The following NFILZ variants were observed in gnomAD, a reference collection of about 807,000 sequenced individuals.
NFILZ encodes the protein NFIL3 like basic leucine zipper.
intron 3 of NFILZ, among the ~76,000 whole-genome samples, chr19:8,653,029 T>TC (rs1555747906): frequency 2.8e-5 from 2 of 70,684 alleles, no homozygotes; most frequent in Admixed American, 1.7e-4. Context: ...TCTTTCTTTC[T>TC]TTCTTTCTTT....
At chr19:8,661,979 C>G (rs1555749170) in intron 3 of NFILZ, among the ~76,000 whole-genome samples, 2 of 151,948 alleles carry the variant, frequency 1.3e-5, no homozygotes, top group African/African-American at 4.8e-5. Context: ...GAAGGAGGGT[C>G]CACTGAGGCT....
At chr19:8,651,831 C>A (rs571543530) in intron 3 of NFILZ, among the ~76,000 whole-genome samples, 2 of 152,230 alleles carry the variant, frequency 1.3e-5, no homozygotes, top group African/African-American at 4.8e-5. Context: ...CTGTGCCCGG[C>A]CTCTAACTAT....
chr19:8,674,899 T>C (rs2043104172), intron 4 of NFILZ, among the ~76,000 whole-genome samples: 1 of 152,188 alleles, frequency 6.6e-6, no homozygotes, highest in Non-Finnish European at 1.5e-5. Context: ...GGAAAGTTAC[T>C]ACGGTTTATC....
At chr19:8,670,806 C>A (rs2043083004) in intron 3 of NFILZ, among the ~76,000 whole-genome samples, 2 of 152,168 alleles carry the variant, frequency 1.3e-5, no homozygotes, top group South Asian at 4.1e-4. Context: ...ACCAGCGTGG[C>A]CAACATGGCA....
intron 3 of NFILZ, among the ~76,000 whole-genome samples, chr19:8,655,297 G>A (rs897426729): frequency 6.6e-6 from 1 of 152,292 alleles, no homozygotes; most frequent in Non-Finnish European, 1.5e-5. Flanking sequence ...AGGGCCTTAC[G>A]GGGTTGGAAT....
intron 3 of NFILZ, among the ~76,000 whole-genome samples, chr19:8,653,194 C>T (rs1471738945): frequency 1.3e-5 from 2 of 151,706 alleles, no homozygotes; most frequent in Non-Finnish European, 2.9e-5. Flanking sequence ...GATTCTCCTG[C>T]CTCAGCCTCC....
At chr19:8,637,938 A>C (rs1356082646) in intron 3 of NFILZ, among the ~76,000 whole-genome samples, 1 of 149,864 alleles carries the variant, frequency 6.7e-6, no homozygotes, top group African/African-American at 2.4e-5. Context: ...AAAAAAAGAA[A>C]AGAACAGAAA....
chr19:8,670,182 G>T (rs952023384), intron 3 of NFILZ, among the ~76,000 whole-genome samples: 4 of 151,602 alleles, frequency 2.6e-5, no homozygotes, highest in African/African-American at 9.7e-5. Flanking sequence ...GCTCACTGCA[G>T]CCTTGACTTC....
chr19:8,656,496 C>CT (rs1489032494), intron 3 of NFILZ, among the ~76,000 whole-genome samples: 3 of 99,792 alleles, frequency 3.0e-5, no homozygotes, highest in African/African-American at 4.3e-5. Flanking sequence ...CCACCTTCTC[C>CT]CGCAGCCCAC....
Position 8,634,756 on chromosome 19 carries a change from C to T in NFILZ, c.-260-894C>T, listed in dbSNP as rs376996748. Among the ~76,000 whole-genome samples, 53 of 151,986 alleles carry T rather than the reference C, an allele frequency of 3.5e-4. No individual in the cohort carries two copies. The East Asian group carries it at 9.0e-3, about 26-fold the overall frequency. On this transcript the variant is annotated intron_variant, in intron 2 of 5. Coordinates refer to ENST00000691075, the MANE Select transcript of NFILZ (RefSeq NM_001378600.1). ...TTAGCTGGGCATAGTGGTGTGCATT[C>T]GTAGTTCCAGCTAATTGGGAGGCTA...
At chr19:8,638,830 G>A (rs1415076351) in intron 3 of NFILZ, among the ~76,000 whole-genome samples, 2 of 151,304 alleles carry the variant, frequency 1.3e-5, no homozygotes, top group South Asian at 4.2e-4. Flanking sequence ...CCTGAAGCAG[G>A]AATTTACTTT....
chr19:8,660,185 AC>A (rs1315209264), intron 3 of NFILZ, among the ~76,000 whole-genome samples: 4 of 152,148 alleles, frequency 2.6e-5, no homozygotes, highest in Non-Finnish European at 4.4e-5. Context: ...TAGCTGTGTG[AC>A]CCTAGGCAAG....
At chr19:8,656,482 C>CAGCGCACCTTCTCCCTGA (rs1289847301) in intron 3 of NFILZ, among the ~76,000 whole-genome samples, 1 of 45,562 alleles carries the variant, frequency 2.2e-5, no homozygotes, top group Non-Finnish European at 4.4e-5. Flanking sequence ...CCTTCTCCCG[C>CAGCGCACCTTCTCCCTGA]AGCCCACCTT....
Position 8,633,546 on chromosome 19 carries a change from C to A in NFILZ, c.-261+921C>A, listed in dbSNP as rs183713768. 1.7e-3 allele frequency among the ~76,000 whole-genome samples: 266 copies of A among 152,302 alleles called. 1 individual carries two copies. Among genetic ancestry groups the A allele is most frequent in the Non-Finnish European group, 2.3e-3 (158 of 68,024 alleles). On this transcript the variant is annotated intron_variant, in intron 2 of 5. Transcript: ENST00000691075. The stretch of plus-strand genomic sequence containing the variant: ...TGACACCTTGACCTTGGACCCTTGC[C>A]TAGGCTCTGAGGGCCAGCTCCTTTC...
chr19:8,636,461 T>TTC (rs1451300139), intron 3 of NFILZ, among the ~76,000 whole-genome samples: 1 of 144,776 alleles, frequency 6.9e-6, no homozygotes, highest in Non-Finnish European at 1.5e-5. Flanking sequence ...TTTTTTTTTT[T>TTC]TGAAACAGAG....
At chr19:8,647,765 A>G (rs2042945899) in intron 3 of NFILZ, among the ~76,000 whole-genome samples, 1 of 139,870 alleles carries the variant, frequency 7.1e-6, no homozygotes, top group African/African-American at 2.9e-5. Flanking sequence ...ACACACACAC[A>G]CACACGCACA....
At chr19:8,663,730 G>GCA (rs2043045100) in intron 3 of NFILZ, among the ~76,000 whole-genome samples, 2 of 77,316 alleles carry the variant, frequency 2.6e-5, no homozygotes, top group Admixed American at 1.4e-4. Flanking sequence ...GTTTGTGTGT[G>GCA]TGTGTGTGTG....
At chr19:8,641,223 T>G (rs73503646) in intron 3 of NFILZ, among the ~76,000 whole-genome samples, 60 of 144,826 alleles carry the variant, frequency 4.1e-4, no homozygotes, top group African/African-American at 1.6e-3. Flanking sequence ...CTAATGTTTG[T>G]TTTTTTTTTG....
chr19:8,679,967 A>T lies in NFILZ; in HGVS notation c.*2332A>T, dbSNP rs1482269548. Among the ~76,000 whole-genome samples the T allele has an allele frequency of 6.6e-6, 1 of 152,190 alleles. No homozygotes were observed. Among genetic ancestry groups the T allele is most frequent in the East Asian group, 1.9e-4 (1 of 5,174 alleles). On this transcript the variant is annotated 3_prime_UTR_variant, in exon 6 of 6. Transcript: ENST00000691075. ...CTAGCACTTTGGGAGGCCAAGGCAG[A>T]TGGATCTCACTTGAGGTCAGGAGTT... is the stretch of plus-strand genomic sequence containing the variant.
Sources: allele counts gnomAD v4.1 joint callset (sites outside exome capture counted in the v4.1 genomes callset), GRCh38; gene constraint gnomAD v4.1.1; transcripts MANE v1.5; gene names NCBI Gene and HGNC (gene_info 2026-07-23, HGNC 2026-07-21).